KLF12: variants seen among roughly 807,000 people sequenced by gnomAD.
KLF12 encodes KLF transcription factor 12.
Under a neutral mutation model 37.8 loss-of-function variants are expected in KLF12, and 9 were observed. That is an observed-to-expected ratio of 0.24 (90% CI 0.14 to 0.42). The LOEUF is 0.42. Among genes scored for constraint, KLF12 ranks in the 10% least tolerant of loss-of-function variants. KLF12 has a pLI of 1.00. For synonymous variants in KLF12, 208 were observed against 202.1 expected, an observed-to-expected ratio of 1.03 and a Z score of -0.25; for missense variants, 411 against 516.0, an observed-to-expected ratio of 0.80 and a Z score of 1.97.
chr13:74,200,321 A>G, the KLF12 span, among the ~76,000 whole-genome samples: 6 of 152,078 alleles, frequency 3.9e-5, no homozygotes, highest in African/African-American at 1.4e-4. Context: ...AGAAAAAGCT[A>G]TATGTTTATT....
rs991190704 is a variant in KLF12 at position 73,853,913 on chromosome 13, T to C, written c.124-7540A>G. Among the ~76,000 whole-genome samples the C allele has an allele frequency of 1.2e-4, 19 of 152,200 alleles. 1 individual carries two copies. The highest frequency in any genetic ancestry group is 1.2e-3 in the Admixed American group (18 of 15,278). ...ACATCACACTTGTTAGCTTGGAATA[T>C]GGTGCTCAAGATGTTTTGAATTTTA... On this transcript the variant is annotated intron_variant, in intron 3 of 7. Coordinates refer to ENST00000377669, the MANE Select transcript of KLF12 (RefSeq NM_007249.5).
chr13:73,880,479 T>C (rs1886923547), intron 3 of KLF12, among the ~76,000 whole-genome samples: 1 of 152,198 alleles, frequency 6.6e-6, no homozygotes, highest in African/African-American at 2.4e-5. Context: ...AACATCTATG[T>C]AGAGTCTTGG....
At chr13:73,967,196 G>A (rs1205706693) in intron 2 of KLF12, among the ~76,000 whole-genome samples, 1 of 152,172 alleles carries the variant, frequency 6.6e-6, no homozygotes, top group African/African-American at 2.4e-5. Context: ...AGAAGATGGA[G>A]AGTCTGAGCA....
chr13:73,961,014 G>T (rs1267062681), intron 2 of KLF12, among the ~76,000 whole-genome samples: 1 of 151,982 alleles, frequency 6.6e-6, no homozygotes, highest in South Asian at 2.1e-4. Flanking sequence ...TTACTCATAG[G>T]AGAAATAAAT....
intron 1 of KLF12, among the ~76,000 whole-genome samples, chr13:74,118,442 A>G (rs1017844333): frequency 4.6e-5 from 7 of 152,224 alleles, no homozygotes; most frequent in Admixed American, 3.3e-4. Flanking sequence ...CGCATCAAAA[A>G]CACAAAAAAC....
intron 1 of KLF12, among the ~76,000 whole-genome samples, chr13:74,036,026 T>C (rs577718250): frequency 7.9e-5 from 12 of 152,234 alleles, no homozygotes; most frequent in Admixed American, 1.3e-4. Context: ...AGTGCACTCA[T>C]TAACCAGCCA....
chr13:74,241,804 C>T, the KLF12 span, among the ~76,000 whole-genome samples: 1 of 152,200 alleles, frequency 6.6e-6, no homozygotes, highest in Non-Finnish European at 1.5e-5. Context: ...TGCTTCGGCT[C>T]GCGCACGGTG....
At chr13:74,010,460 A>G (rs1365270724) in intron 1 of KLF12, among the ~76,000 whole-genome samples, 1 of 152,158 alleles carries the variant, frequency 6.6e-6, no homozygotes, top group Non-Finnish European at 1.5e-5. Context: ...TACACCCTAC[A>G]TTCAACACCC....
At chr13:73,814,029 G>C (rs1172573877) in intron 4 of KLF12, among the ~76,000 whole-genome samples, 3 of 151,264 alleles carry the variant, frequency 2.0e-5, no homozygotes, top group Non-Finnish European at 4.4e-5. Flanking sequence ...CAAATGAGAG[G>C]GTTACTTACT....
chr13:74,134,333 AGTC>A (rs1163703619), upstream of KLF12, among the ~76,000 whole-genome samples: 1 of 151,654 alleles, frequency 6.6e-6, no homozygotes. Context: ...GCAGGCGCTA[AGTC>A]GCTTTATTGC....
intron 3 of KLF12, among the ~76,000 whole-genome samples, chr13:73,862,523 C>T (rs1297993097): frequency 1.3e-5 from 2 of 152,104 alleles, no homozygotes; most frequent in Non-Finnish European, 2.9e-5. Context: ...ATGCCCACAG[C>T]AGATCAGGAA....
chr13:74,134,489 C>G (rs1429239436), upstream of KLF12, among the ~76,000 whole-genome samples: 1 of 151,968 alleles, frequency 6.6e-6, no homozygotes, highest in Non-Finnish European at 1.5e-5. Context: ...CCTCGCCTCC[C>G]CGCCCGGACC....
the KLF12 span, among the ~76,000 whole-genome samples, chr13:74,142,207 T>C: frequency 2.0e-5 from 3 of 152,270 alleles, no homozygotes; most frequent in African/African-American, 7.2e-5. Context: ...TTACACAGTC[T>C]GCTTATGGCT....
At chr13:73,868,180 C>A (rs1226465993) in intron 3 of KLF12, among the ~76,000 whole-genome samples, 1 of 151,068 alleles carries the variant, frequency 6.6e-6, no homozygotes, top group Non-Finnish European at 1.5e-5. Context: ...GGCATGGTGG[C>A]ATGTGCCTGT....
chr13:74,182,859 A>G, the KLF12 span, among the ~76,000 whole-genome samples: 1 of 152,068 alleles, frequency 6.6e-6, no homozygotes, highest in East Asian at 1.9e-4. Context: ...TTATGAAGCA[A>G]TAGGTATATA....
chr13:73,864,544 T>C (rs990268783), intron 3 of KLF12, among the ~76,000 whole-genome samples: 1 of 152,132 alleles, frequency 6.6e-6, no homozygotes, highest in Non-Finnish European at 1.5e-5. Context: ...CTGATGCATA[T>C]TTATAAAAGA....
intron 5 of KLF12, 65 bp from the exon 6 acceptor site, chr13:73,765,065 A>C (rs894630415): frequency 8.4e-6 from 8 of 948,938 alleles, no homozygotes; most frequent in African/African-American, 1.6e-5. Flanking sequence ...ATTTAAAAAA[A>C]TGGCATGTTT....
chr13:73,956,432 C>T (rs143696761), intron 2 of KLF12, among the ~76,000 whole-genome samples: 229 of 152,288 alleles, frequency 1.5e-3, no homozygotes, highest in Middle Eastern at 6.8e-3. Context: ...CTTTCTTGTC[C>T]GGGCTGTCCT....
At chr13:74,092,722 T>C (rs1405349196) in intron 1 of KLF12, among the ~76,000 whole-genome samples, 1 of 151,966 alleles carries the variant, frequency 6.6e-6, no homozygotes, top group African/African-American at 2.4e-5. Context: ...ATCCTAGTAT[T>C]CAGAATATGA....
Sources: allele counts gnomAD v4.1 joint callset (sites outside exome capture counted in the v4.1 genomes callset), GRCh38; gene constraint gnomAD v4.1.1; transcripts MANE v1.5; gene names NCBI Gene and HGNC (gene_info 2026-07-23, HGNC 2026-07-21).